The following SNTG1 variants were observed in gnomAD, a reference collection of about 807,000 sequenced individuals.
SNTG1 encodes syntrophin gamma 1, also known as gamma-1-syntrophin.
Under a neutral mutation model 74.7 loss-of-function variants are expected in SNTG1, and 39 were observed. That is an observed-to-expected ratio of 0.52 (90% CI 0.40 to 0.68). The LOEUF (loss-of-function observed/expected upper bound fraction) is 0.68. Ranked by LOEUF, SNTG1 falls within the 30% of genes least tolerant of loss-of-function variation. The pLI is 0.00. For synonymous variants in SNTG1, 254 were observed against 217.1 expected, an observed-to-expected ratio of 1.17 and a Z score of -1.49; for missense variants, 685 against 609.5, an observed-to-expected ratio of 1.12 and a Z score of -1.30.
At chr8:50,106,868 T>C (rs909669808) in intron 1 of SNTG1, among the ~76,000 whole-genome samples, 3 of 152,168 alleles carry the variant, frequency 2.0e-5, no homozygotes, top group Non-Finnish European at 4.4e-5. Flanking sequence ...ATTTCAATAA[T>C]ATGTATATCT....
chr8:50,486,130 A>G (rs199641838), intron 8 of SNTG1, among the ~76,000 whole-genome samples: 71 of 152,172 alleles, frequency 4.7e-4, no homozygotes, highest in Non-Finnish European at 2.2e-4. Context: ...TTGGCGATGC[A>G]GGCTCTTTTT....
At chr8:50,659,363 G>A (rs959477762) in intron 15 of SNTG1, among the ~76,000 whole-genome samples, 2 of 152,128 alleles carry the variant, frequency 1.3e-5, no homozygotes, top group Non-Finnish European at 2.9e-5. Flanking sequence ...ACTCACCACA[G>A]ATTGATAATT....
chr8:50,081,081 A>T (rs577915871), intron 1 of SNTG1, among the ~76,000 whole-genome samples: 57 of 152,280 alleles, frequency 3.7e-4, no homozygotes, highest in African/African-American at 1.3e-3. Flanking sequence ...TAGAGAAAAC[A>T]TTTATAGAAT....
At chr8:50,100,824 T>G (rs1006374924) in intron 1 of SNTG1, among the ~76,000 whole-genome samples, 1 of 152,114 alleles carries the variant, frequency 6.6e-6, no homozygotes, top group African/African-American at 2.4e-5. Context: ...TGTGCAGGTT[T>G]GTTTTATAGG....
chr8:50,586,801 G>T (rs945493217), intron 12 of SNTG1, among the ~76,000 whole-genome samples: 2 of 151,722 alleles, frequency 1.3e-5, no homozygotes, highest in Non-Finnish European at 2.9e-5. Flanking sequence ...GGGTTGTTTT[G>T]ATGACATTTT....
Position 50,651,348 on chromosome 8 carries a change from A to C in SNTG1, c.850-5561A>C, listed in dbSNP as rs111869411. 1.6e-3 allele frequency among the ~76,000 whole-genome samples: 251 copies of C among 152,278 alleles called. 1 individual carries two copies. Among genetic ancestry groups the C allele is most frequent in the African/African-American group, 5.8e-3 (239 of 41,564 alleles). ...ATTACAGATGTTGAGACTTAAAAAA[A>C]TGCATATATATAAGATATAAAAGCC... On this transcript the variant is annotated intron_variant, in intron 13 of 18. Coordinates refer to ENST00000642720, the MANE Select transcript of SNTG1 (RefSeq NM_018967.5).
chr8:50,371,196 C>G lies in SNTG1; in HGVS notation c.-27-23016C>G, dbSNP rs576033863. Among the ~76,000 whole-genome samples, 61 of 152,240 alleles carry G rather than the reference C, an allele frequency of 4.0e-4. 1 individual carries two copies. The South Asian group carries it at 0.012, about 31-fold the overall frequency. On this transcript the variant is annotated intron_variant, in intron 2 of 18. Transcript: ENST00000642720. ...ACTGGATCTCAGAAAAGACTGAATG[C>G]TTAACCATTGGTCACCACGTTATTA...
chr8:50,245,819 T>C (rs2086374486), intron 2 of SNTG1, among the ~76,000 whole-genome samples: 1 of 152,154 alleles, frequency 6.6e-6, no homozygotes, highest in African/African-American at 2.4e-5. Context: ...CGTAACACTA[T>C]AGTGATGAGA....
intron 13 of SNTG1, among the ~76,000 whole-genome samples, chr8:50,654,822 C>T (rs879924780): frequency 2.0e-5 from 3 of 152,146 alleles, no homozygotes; most frequent in Non-Finnish European, 4.4e-5. Context: ...CCAGTCCTGG[C>T]AAGGGCTTGA....
At chr8:50,138,087 GT>G (rs941959154) in intron 1 of SNTG1, among the ~76,000 whole-genome samples, 5 of 151,922 alleles carry the variant, frequency 3.3e-5, no homozygotes, top group East Asian at 1.9e-4. Context: ...GGAGGAATAA[GT>G]TTTTTTTACA....
intron 2 of SNTG1, among the ~76,000 whole-genome samples, chr8:50,331,135 A>G (rs1316008942): frequency 6.6e-6 from 1 of 152,200 alleles, no homozygotes; most frequent in Non-Finnish European, 1.5e-5. Flanking sequence ...GCACATTTGT[A>G]CGTACATGCT....
chr8:50,690,052 T>C lies in SNTG1; in HGVS notation c.1039-14548T>C, dbSNP rs181551052. 3.8e-3 allele frequency among the ~76,000 whole-genome samples: 585 copies of C among 152,340 alleles called. 5 individuals are homozygous for C. Among genetic ancestry groups the C allele is most frequent in the African/African-American group, 0.011 (473 of 41,576 alleles). Reference sequence around the variant, plus strand: ...TATTTGCATAGAGATGTTTGTAGTATTCTCTGATGGTAGTTTGTATTTCTG... The same window carrying C: ...TATTTGCATAGAGATGTTTGTAGTACTCTCTGATGGTAGTTTGTATTTCTG... On this transcript the variant is annotated intron_variant, in intron 15 of 18. Transcript: ENST00000642720.
At chr8:50,775,667 G>A (rs933200239) in intron 18 of SNTG1, among the ~76,000 whole-genome samples, 3 of 151,538 alleles carry the variant, frequency 2.0e-5, no homozygotes, top group African/African-American at 7.2e-5. Flanking sequence ...CTACATTCCT[G>A]TTGATGTTCT....
intron 8 of SNTG1, among the ~76,000 whole-genome samples, chr8:50,497,957 T>A (rs2093918397): frequency 6.6e-6 from 1 of 152,058 alleles, no homozygotes; most frequent in South Asian, 2.1e-4. Flanking sequence ...TTTTTCTTGT[T>A]ATGTGGAGTC....
intron 15 of SNTG1, among the ~76,000 whole-genome samples, chr8:50,677,182 C>T (rs1290654042): frequency 6.6e-6 from 1 of 151,858 alleles, no homozygotes; most frequent in Non-Finnish European, 1.5e-5. Flanking sequence ...TGAAAATAAG[C>T]ACTGGAAAAG....
intron 1 of SNTG1, among the ~76,000 whole-genome samples, chr8:50,039,507 T>C (rs529922884): frequency 6.7e-6 from 1 of 148,830 alleles, no homozygotes; most frequent in East Asian, 2.0e-4. Flanking sequence ...CTAGGCCATG[T>C]CTTTATCTAA....
At chr8:50,001,160 G>T (rs564626989) in intron 1 of SNTG1, among the ~76,000 whole-genome samples, 8 of 152,142 alleles carry the variant, frequency 5.3e-5, no homozygotes, top group Non-Finnish European at 1.0e-4. Context: ...GTGTGCAGGG[G>T]CTTAGTATTC....
intron 10 of SNTG1, among the ~76,000 whole-genome samples, chr8:50,531,903 T>C (rs531767013): frequency 5.9e-5 from 9 of 152,314 alleles, no homozygotes; most frequent in Admixed American, 2.0e-4. Context: ...GAGTGGCAGG[T>C]CTAAGGGTAG....
At chr8:50,001,588 C>G (rs539801480) in intron 1 of SNTG1, among the ~76,000 whole-genome samples, 4 of 152,222 alleles carry the variant, frequency 2.6e-5, no homozygotes, top group South Asian at 2.1e-4. Flanking sequence ...TTCAGAGTTT[C>G]GTGGATTTTC....
Sources: gnomAD v4.1 joint callset for allele counts (sites outside exome capture counted in the v4.1 genomes callset) on GRCh38, gnomAD v4.1.1 for gene constraint, MANE v1.5 for transcripts, NCBI Gene and HGNC (gene_info 2026-07-23, HGNC 2026-07-21) for gene names.